Variants in FRMD4B observed in about 807,000 individuals in gnomAD.
FRMD4B encodes the protein FERM domain containing 4B.
A neutral mutation model predicts 141.5 loss-of-function variants in FRMD4B; 74 were observed. That is an observed-to-expected ratio of 0.52 (90% CI 0.43 to 0.63). The LOEUF (loss-of-function observed/expected upper bound fraction) is 0.63. FRMD4B is among the 30% of genes least tolerant of loss of function. The probability of loss-of-function intolerance (pLI) is 0.00; values close to 1 mark genes in which losing one functional copy is unlikely to be tolerated. For synonymous variants in FRMD4B, 506 were observed against 467.9 expected (o/e 1.08, Z -1.05); for missense variants, 1,366 against 1,253.4 (o/e 1.09, Z -1.36).
At chr3:69,528,523 C>T (rs1231620339) in intron 1 of FRMD4B, among the ~76,000 whole-genome samples, 2 of 152,048 alleles carry the variant, frequency 1.3e-5, no homozygotes, top group South Asian at 2.1e-4. Context: ...TGCCACCATG[C>T]TGGATTAATT....
chr3:69,458,399 T>C (rs1246495963), intron 1 of FRMD4B, among the ~76,000 whole-genome samples: 3 of 152,102 alleles, frequency 2.0e-5, no homozygotes, highest in South Asian at 4.1e-4. Context: ...TGGGAAAATA[T>C]AGGAAAAACT....
intron 1 of FRMD4B, among the ~76,000 whole-genome samples, chr3:69,467,055 G>A (rs907454111): frequency 6.6e-6 from 1 of 152,094 alleles, no homozygotes; most frequent in Non-Finnish European, 1.5e-5. Flanking sequence ...TCTAGGCAAA[G>A]CAAAAGTTAG....
intron 1 of FRMD4B, among the ~76,000 whole-genome samples, chr3:69,530,140 T>G (rs951453140): frequency 1.3e-5 from 2 of 152,248 alleles, no homozygotes; most frequent in African/African-American, 4.8e-5. Flanking sequence ...AAAGACAGAA[T>G]TGAGGAGGTG....
intron 2 of FRMD4B, among the ~76,000 whole-genome samples, chr3:69,426,952 T>A (rs1228743844): frequency 2.0e-5 from 3 of 152,158 alleles, no homozygotes; most frequent in Non-Finnish European, 2.9e-5. Flanking sequence ...CCTCATAGAT[T>A]TTGGAAATGT....
intron 1 of FRMD4B, among the ~76,000 whole-genome samples, chr3:69,340,588 C>T (rs1274054549): frequency 1.3e-5 from 2 of 152,198 alleles, no homozygotes; most frequent in South Asian, 2.1e-4. Flanking sequence ...GGCTTAGATG[C>T]TTTGCTAGTG....
chr3:69,183,969 C>T (rs2092738322), intron 19 of FRMD4B, among the ~76,000 whole-genome samples: 1 of 151,996 alleles, frequency 6.6e-6, no homozygotes, highest in South Asian at 2.1e-4. Flanking sequence ...AATCTCAGCT[C>T]ACTGCAACCT....
chr3:69,189,245 A>AAAAAG (rs1553696997), intron 18 of FRMD4B, among the ~76,000 whole-genome samples: 9 of 149,038 alleles, frequency 6.0e-5, no homozygotes, highest in African/African-American at 1.5e-4. Flanking sequence ...AAAAAAAAAA[A>AAAAAG]AGAGAGAGAG....
At chr3:69,341,228 A>T (rs1182600054) in intron 1 of FRMD4B, among the ~76,000 whole-genome samples, 2 of 152,226 alleles carry the variant, frequency 1.3e-5, no homozygotes, top group African/African-American at 4.8e-5. Context: ...GGAGATGTAC[A>T]GTTACCACGA....
chr3:69,292,936 C>T (rs1270519796), intron 4 of FRMD4B: 1 of 393,790 alleles, frequency 2.5e-6, no homozygotes, highest in Admixed American at 3.3e-5. Context: ...GGAAAGAACC[C>T]AGGCTTTTTG....
At chr3:69,286,493 A>T (rs2107059265) in intron 5 of FRMD4B, among the ~76,000 whole-genome samples, 1 of 152,330 alleles carries the variant, frequency 6.6e-6, no homozygotes, top group East Asian at 1.9e-4. Flanking sequence ...ACCCTAAAGT[A>T]ACCATGGAAA....
chr3:69,254,645 C>G (rs1271968523), intron 5 of FRMD4B, among the ~76,000 whole-genome samples: 1 of 152,140 alleles, frequency 6.6e-6, no homozygotes, highest in African/African-American at 2.4e-5. Flanking sequence ...ACAACCCCAC[C>G]TATCCAAGAA....
chr3:69,240,803 C>T (rs1207872171), intron 7 of FRMD4B, among the ~76,000 whole-genome samples: 1 of 152,162 alleles, frequency 6.6e-6, no homozygotes, highest in East Asian at 1.9e-4. Flanking sequence ...AACCAAAAGG[C>T]CTGGAAATGC....
intron 1 of FRMD4B, among the ~76,000 whole-genome samples, chr3:69,518,000 G>T (rs536279536): frequency 6.6e-6 from 1 of 151,958 alleles, no homozygotes; most frequent in African/African-American, 2.4e-5. Flanking sequence ...CCCAAGAGAT[G>T]CTGCTGCTGC....
chr3:69,408,431 A>G (rs1267629295), intron 2 of FRMD4B, among the ~76,000 whole-genome samples: 1 of 152,162 alleles, frequency 6.6e-6, no homozygotes, highest in Non-Finnish European at 1.5e-5. Flanking sequence ...CCGCCAATTG[A>G]CGCTTTCTCC....
chr3:69,472,949 T>TC (rs1460611708), intron 1 of FRMD4B, among the ~76,000 whole-genome samples: 1 of 149,598 alleles, frequency 6.7e-6, no homozygotes, highest in Admixed American at 6.6e-5. Context: ...TTTTTTTTTT[T>TC]TTTTGGCTTA....
intron 1 of FRMD4B, among the ~76,000 whole-genome samples, chr3:69,514,501 C>T (rs533021108): frequency 6.6e-6 from 1 of 152,010 alleles, no homozygotes; most frequent in South Asian, 2.1e-4. Flanking sequence ...ACCAGCCTGG[C>T]CAATGGGGTG....
At chr3:69,345,469 G>A (rs1702904155) in intron 1 of FRMD4B, among the ~76,000 whole-genome samples, 1 of 152,190 alleles carries the variant, frequency 6.6e-6, no homozygotes. Context: ...GTCCCTGTCT[G>A]ACAGCTTTGA....
chr3:69,235,311 G>C (rs918170025), intron 7 of FRMD4B, among the ~76,000 whole-genome samples: 1 of 151,872 alleles, frequency 6.6e-6, no homozygotes, highest in Non-Finnish European at 1.5e-5. Context: ...TCTAGCAAGT[G>C]ACCTGACCTA....
intron 3 of FRMD4B, among the ~76,000 whole-genome samples, chr3:69,305,787 AT>A (rs767378153): frequency 6.6e-6 from 1 of 152,220 alleles, no homozygotes; most frequent in African/African-American, 2.4e-5. Context: ...GTATATTTGT[AT>A]GAACTTGCAT....
Sources: allele counts gnomAD v4.1 joint callset (sites outside exome capture counted in the v4.1 genomes callset), GRCh38; gene constraint gnomAD v4.1.1; transcripts MANE v1.5; gene names NCBI Gene and HGNC (gene_info 2026-07-23, HGNC 2026-07-21).